KCND3: variants seen among roughly 807,000 people sequenced by gnomAD.
The protein encoded by KCND3 is potassium voltage-gated channel subfamily D member 3.
A neutral mutation model predicts 51.1 loss-of-function variants in KCND3; 9 were observed. The observed-to-expected ratio is 0.18, with a 90% CI of 0.11 to 0.31. The LOEUF (loss-of-function observed/expected upper bound fraction) is 0.31. KCND3 is among the 10% of genes least tolerant of loss of function. The probability of loss-of-function intolerance (pLI) is 1.00; values close to 1 mark genes in which losing one functional copy is unlikely to be tolerated. For missense variants in KCND3, 526 were observed against 903.8 expected (o/e 0.58, Z 5.36); for synonymous variants, 349 against 368.0 (o/e 0.95, Z 0.59).
intron 2 of KCND3, among the ~76,000 whole-genome samples, chr1:111,866,260 TTTC>T (rs1192912843): frequency 3.9e-5 from 1 of 25,456 alleles, no homozygotes; most frequent in Admixed American, 6.3e-4. Flanking sequence ...TTTCTTTTCT[TTTC>T]TTTTTTTTTT....
chr1:111,782,271 T>C (rs1283529612), intron 3 of KCND3, among the ~76,000 whole-genome samples: 1 of 152,158 alleles, frequency 6.6e-6, no homozygotes, highest in Non-Finnish European at 1.5e-5. Context: ...TCCTGGGAAG[T>C]ATCTCCTTGC....
At position 111,777,010 on chromosome 1, in the gene KCND3, G is replaced by A; in HGVS notation, c.1766+16C>T. ...TGATTCGAGCCTTTGCGGGTGATGG[G>A]ATGGAAGCCACCCACCTGGTTGTGA... On this transcript the variant is annotated intron_variant, in intron 7 of 7. Coordinates refer to ENST00000302127, the MANE Select transcript of KCND3 (RefSeq NM_001378969.1). The A allele has an allele frequency of 6.2e-7, 1 of 1,612,926 alleles. No homozygotes were observed.
chr1:111,816,081 T>C lies in KCND3; in HGVS notation c.1107-28975A>G, dbSNP rs562195027. 2.6e-3 allele frequency among the ~76,000 whole-genome samples: 396 copies of C among 152,300 alleles called. 1 individual carries two copies. Among genetic ancestry groups the C allele is most frequent in the Non-Finnish European group, 4.1e-3 (280 of 68,036 alleles). ...TTAATCCTTGCAACAGTCAACGAGG[T>C]AGGTGCTATTGATACTTCCATGTTA... On this transcript the variant is annotated intron_variant, in intron 2 of 7. Transcript: ENST00000302127.
At chr1:111,957,450 A>G (rs1557745752) in intron 2 of KCND3, among the ~76,000 whole-genome samples, 1 of 152,244 alleles carries the variant, frequency 6.6e-6, no homozygotes, top group Non-Finnish European at 1.5e-5. Flanking sequence ...GCTTCTGGGA[A>G]TGCAGCTTAA....
intron 2 of KCND3, among the ~76,000 whole-genome samples, chr1:111,830,257 G>C (rs1411582395): frequency 1.3e-5 from 2 of 152,174 alleles, no homozygotes; most frequent in African/African-American, 2.4e-5. Context: ...CTCCCTGCTT[G>C]ACTCTTCTGT....
intron 2 of KCND3, among the ~76,000 whole-genome samples, chr1:111,921,511 T>C (rs950443294): frequency 1.3e-5 from 2 of 152,174 alleles, no homozygotes; most frequent in Non-Finnish European, 2.9e-5. Context: ...CAGGAAGCTG[T>C]GTCTACCTCA....
At chr1:111,968,860 A>G (rs887366264) in intron 2 of KCND3, among the ~76,000 whole-genome samples, 5 of 152,150 alleles carry the variant, frequency 3.3e-5, no homozygotes, top group Non-Finnish European at 7.3e-5. Flanking sequence ...GCCACTGTGG[A>G]GTGGGTAGGG....
At chr1:111,950,112 C>T (rs780729672) in intron 2 of KCND3, among the ~76,000 whole-genome samples, 3 of 152,134 alleles carry the variant, frequency 2.0e-5, no homozygotes, top group Non-Finnish European at 2.9e-5. Flanking sequence ...GGCTTCACCA[C>T]GTTGGCCAGG....
At chr1:111,798,841 G>A (rs541919717) in intron 2 of KCND3, among the ~76,000 whole-genome samples, 1 of 151,130 alleles carries the variant, frequency 6.6e-6, no homozygotes, top group South Asian at 2.1e-4. Context: ...CCTGAATAAA[G>A]TCTACTTTTT....
intron 2 of KCND3, among the ~76,000 whole-genome samples, chr1:111,814,120 A>G (rs1336483934): frequency 6.6e-6 from 1 of 152,224 alleles, no homozygotes; most frequent in Non-Finnish European, 1.5e-5. Context: ...GGAAGCCCAC[A>G]ATCCAAGACA....
chr1:111,911,155 T>C (rs1248594305), intron 2 of KCND3, among the ~76,000 whole-genome samples: 2 of 152,214 alleles, frequency 1.3e-5, no homozygotes, highest in African/African-American at 4.8e-5. Flanking sequence ...ATTTCTTCCC[T>C]GGACAAGAGT....
chr1:111,917,564 G>C (rs1362745725), intron 2 of KCND3, among the ~76,000 whole-genome samples: 1 of 152,166 alleles, frequency 6.6e-6, no homozygotes, highest in African/African-American at 2.4e-5. Context: ...AGCACCAGAC[G>C]CTCATGCCCA....
intron 2 of KCND3, among the ~76,000 whole-genome samples, chr1:111,964,325 C>T (rs1673841116): frequency 6.6e-6 from 1 of 152,182 alleles, no homozygotes; most frequent in Non-Finnish European, 1.5e-5. Flanking sequence ...CAGGCTGAAG[C>T]CCGGGATGCT....
chr1:111,806,840 C>A (rs767524890), intron 2 of KCND3, among the ~76,000 whole-genome samples: 1 of 152,174 alleles, frequency 6.6e-6, no homozygotes, highest in South Asian at 2.1e-4. Context: ...AGCTTCCCCA[C>A]CCAGCTCTAA....
At chr1:111,939,407 G>T (rs955260934) in intron 2 of KCND3, among the ~76,000 whole-genome samples, 12 of 152,212 alleles carry the variant, frequency 7.9e-5, no homozygotes, top group African/African-American at 2.9e-4. Flanking sequence ...AGGCCCGGGT[G>T]TGTGATGTTC....
intron 2 of KCND3, among the ~76,000 whole-genome samples, chr1:111,949,280 G>A (rs916704903): frequency 1.7e-4 from 26 of 152,196 alleles, no homozygotes; most frequent in African/African-American, 3.1e-4. Flanking sequence ...AATACGGTAC[G>A]TCCTGCTGAC....
At chr1:111,831,193 G>A (rs1424600955) in intron 2 of KCND3, among the ~76,000 whole-genome samples, 1 of 152,162 alleles carries the variant, frequency 6.6e-6, no homozygotes, top group Non-Finnish European at 1.5e-5. Context: ...CAAAACTCTT[G>A]TCCTGAATGC....
intron 2 of KCND3, chr1:111,853,973 T>C (rs1667942364): frequency 6.6e-6 from 1 of 152,244 alleles, no homozygotes; most frequent in Non-Finnish European, 1.5e-5. Context: ...GCTCCAGTGC[T>C]CAGGAGAGTG....
At chr1:111,907,926 C>T (rs1670722937) in intron 2 of KCND3, among the ~76,000 whole-genome samples, 1 of 152,152 alleles carries the variant, frequency 6.6e-6, no homozygotes, top group Admixed American at 6.5e-5. Flanking sequence ...CCAGAACACA[C>T]TGCCTGTCTT....
Sources: gnomAD v4.1 joint callset for allele counts (sites outside exome capture counted in the v4.1 genomes callset) on GRCh38, gnomAD v4.1.1 for gene constraint, MANE v1.5 for transcripts, NCBI Gene and HGNC (gene_info 2026-07-23, HGNC 2026-07-21) for gene names.